Variants in CENPM observed in about 807,000 individuals in gnomAD.
The protein encoded by CENPM is interphase centromere complex protein 39.
CENPM carries 14 observed loss-of-function variants against 19.6 expected under a neutral mutation model. The ratio of observed to expected loss-of-function variants is 0.71; its 90% CI spans 0.47 to 1.11. CENPM has a LOEUF of 1.11. CENPM is among the 50% of genes most tolerant of loss of function. CENPM has a pLI of 0.00. For synonymous variants in CENPM, 114 were observed against 101.5 expected, an observed-to-expected ratio of 1.12 and a Z score of -0.74; for missense variants, 239 against 228.4, an observed-to-expected ratio of 1.05 and a Z score of -0.30.
At position 41,946,427 on chromosome 22, in the gene CENPM, C is replaced by G; in HGVS notation, c.127G>C (p.Glu43Gln). 1.2e-6 allele frequency: 2 copies of G among 1,612,950 alleles called. No homozygotes were observed. Among genetic ancestry groups the G allele is most frequent in the East Asian group, 4.5e-5 (2 of 44,878 alleles). ...GCCGCGGCTACTTACACCTTCAGCT[C>G]GGAGGCGCAGTCCTCTTTGAGCATC... ...DSMLKEDCAS[E>Q]LKVHLAKSLP... is the part of the protein sequence containing the mutation. Residue 43 changes from glutamate to glutamine, a missense_variant, in exon 2 of 6, where the codon GAG becomes CAG. Transcript: ENST00000215980.
chr22:41,945,445 T>C, intron 3 of CENPM, 141 bp from the exon 4 acceptor site: 2 of 1,414,720 alleles, frequency 1.4e-6, no homozygotes, highest in South Asian at 3.0e-5. Context: ...ATTTGTCCTT[T>C]AATTTTTTTT....
At chr22:41,946,164 G>C (rs1397712341) in intron 2 of CENPM, 159 bp from the exon 3 acceptor site, 3 of 707,826 alleles carry the variant, frequency 4.2e-6, no homozygotes, top group Non-Finnish European at 7.4e-6. Flanking sequence ...CCAGCACAGA[G>C]GCAGGACAGG....
At chr22:41,945,063 C>A in intron 4 of CENPM, 162 bp downstream of exon 4, 1 of 1,490,522 alleles carries the variant, frequency 6.7e-7, no homozygotes, top group South Asian at 1.3e-5. Flanking sequence ...AGTTATTTTT[C>A]CAGATCTTCT....
intron 5 of CENPM, among the ~76,000 whole-genome samples, chr22:41,939,872 GAAAGAAAA>G (rs1569425896): frequency 3.1e-5 from 4 of 130,792 alleles, no homozygotes; most frequent in African/African-American, 1.5e-4. Flanking sequence ...AAGAAAGAAA[GAAAGAAAA>G]AGAAAGAAAG....
intron 5 of CENPM, chr22:41,940,142 G>T: frequency 1.3e-6 from 1 of 771,144 alleles, no homozygotes; most frequent in Admixed American, 1.7e-5. Context: ...GCCAGACCTT[G>T]AGCACACCAG....
the CENPM span, among the ~76,000 whole-genome samples, chr22:41,928,605 C>T: frequency 6.6e-4 from 101 of 152,188 alleles, no homozygotes; most frequent in African/African-American, 2.4e-3. This position sits in a 1 kb window ranked among gnomAD's most constrained non-coding sequence, Gnocchi z 4.0. Flanking sequence ...GGCAAACACT[C>T]CAGGCGGAGG....
chr22:41,936,905 C>T (rs148183470), downstream of CENPM, among the ~76,000 whole-genome samples: 191 of 152,032 alleles, frequency 1.3e-3, 2 homozygotes, highest in East Asian at 0.027. Context: ...CCAGCCTGGG[C>T]GACAGAGCAA....
At chr22:41,927,380 G>A in the CENPM span, among the ~76,000 whole-genome samples, 1 of 152,242 alleles carries the variant, frequency 6.6e-6, no homozygotes, top group East Asian at 1.9e-4. Context: ...GACCCTGAGT[G>A]GTTCCTCTGC....
Position 41,943,667 on chromosome 22 carries a change from G to C in CENPM, c.345C>G (p.His115Gln). 6.2e-7 allele frequency: 1 copy of C among 1,613,822 alleles called. No individual in the cohort carries two copies. Among genetic ancestry groups the C allele is most frequent in the Non-Finnish European group, 8.5e-7 (1 of 1,179,922 alleles). ...AGGTGTGGGCCAGCTTCACCACGGT[G>C]TGCCGGTGAATGCTGCAGTGGCTCT... is the stretch of plus-strand genomic sequence containing the variant. ...GRESHCSIHR[H>Q]TVVKLAHTYQ... Residue 115 changes from histidine (H) to glutamine (Q), a missense_variant, in exon 5 of 6, where the codon CAC becomes CAG. His to Gln is a conservative substitution (Grantham distance 24). Transcript: ENST00000215980.
chr22:41,946,349 A>C, intron 2 of CENPM, 68 bp downstream of exon 2: 2 of 1,351,272 alleles, frequency 1.5e-6, no homozygotes, highest in East Asian at 2.4e-5. Flanking sequence ...TTCGGAGTTT[A>C]GCAGCTAGGA....
intron 5 of CENPM, among the ~76,000 whole-genome samples, chr22:41,942,300 G>C (rs2077748186): frequency 6.6e-6 from 1 of 152,202 alleles, no homozygotes; most frequent in Admixed American, 6.5e-5. Flanking sequence ...AAAGTCATCA[G>C]GATTTATCCT....
chr22:41,937,651 G>T (rs543584692), downstream of CENPM, among the ~76,000 whole-genome samples: 2 of 152,250 alleles, frequency 1.3e-5, no homozygotes, highest in East Asian at 3.9e-4. Flanking sequence ...TCGCAGGCAT[G>T]GGGGGTCACA....
rs1212548418 is a variant in CENPM, at chr22:41,939,211, G to A, written c.403-15C>T. ...AAGCCTTCCACCTGCGGGGAGAGCA[G>A]AGAACAGCAGTGAGATAGAATGCTG... On this transcript the variant is annotated splice_polypyrimidine_tract_variant and intron_variant, in intron 5 of 5. Transcript: ENST00000215980. 2 of 1,602,922 alleles carry A rather than the reference G, an allele frequency of 1.2e-6. No homozygotes were observed. Among genetic ancestry groups the A allele is most frequent in the African/African-American group, 2.7e-5 (2 of 74,882 alleles).
Position 41,945,997 on chromosome 22 carries a change from GC to G in CENPM, c.145del (p.Ala49GlnfsTer10). On this transcript the variant is annotated frameshift_variant, in exon 3 of 6. Coordinates refer to ENST00000215980, the MANE Select transcript of CENPM (RefSeq NM_024053.5). LOFTEE classifies it high-confidence loss of function. ...DCASELKVHL[A>X]KSLPLPSSVN... ...ACTGGAGGGCAAAGGGAGGGACTTT[GC>G]CAAGTGGCTGAAAAACAGGAAATTG... 6.2e-7 allele frequency: 1 copy of G among 1,613,766 alleles called. No individual in the cohort carries two copies. The highest frequency in any genetic ancestry group is 8.5e-7 in the Non-Finnish European group (1 of 1,179,822).
chr22:41,936,237 T>C (rs2077683164), downstream of CENPM, among the ~76,000 whole-genome samples: 1 of 152,192 alleles, frequency 6.6e-6, no homozygotes, highest in Non-Finnish European at 1.5e-5. Context: ...TGGGGCTGGC[T>C]CTGCTGCCAG....
At chr22:41,945,773 C>A in intron 3 of CENPM, 140 bp downstream of exon 3, 1 of 653,692 alleles carries the variant, frequency 1.5e-6, no homozygotes, top group South Asian at 2.0e-5. Context: ...ACCACTGGCT[C>A]CTCTCTCCTC....
chr22:41,944,682 C>G, intron 4 of CENPM: 1 of 985,384 alleles, frequency 1.0e-6, no homozygotes, highest in Non-Finnish European at 1.2e-6. Flanking sequence ...GTCTCAGGAA[C>G]AGCAGGACTT....
intron 1 of CENPM, 108 bp downstream of exon 1, chr22:41,946,912 A>C: frequency 8.8e-7 from 1 of 1,142,452 alleles, no homozygotes; most frequent in Non-Finnish European, 1.3e-6. Context: ...CGCCCCCGCC[A>C]CGGTAGCGCG....
chr22:41,944,376 C>T lies in CENPM; in HGVS notation c.311-675G>A, dbSNP rs899802317. Among the ~76,000 whole-genome samples the T allele has an allele frequency of 2.2e-5, 3 of 138,038 alleles. No individual in the cohort carries two copies. The Admixed American group carries it at 2.5e-4, about 11-fold the overall frequency. 90.6% of individuals were successfully genotyped at this position (138,038 alleles called of 152,430 possible). A position where few individuals can be genotyped will look rare whatever the true frequency, so the allele number is the denominator to read the frequency against. The stretch of plus-strand genomic sequence containing the variant: ...GCTTGAACCAGGGAGACGGTGGTTG[C>T]GGTGAGCTGAGATCACGCCATAGCA... On this transcript the variant is annotated intron_variant, in intron 4 of 5. Transcript: ENST00000215980.
Sources: gnomAD v4.1 joint callset for allele counts (sites outside exome capture counted in the v4.1 genomes callset) on GRCh38, gnomAD v4.1.1 for gene constraint, Gnocchi (gnomAD v3.1) non-coding constraint, MANE v1.5 for transcripts, NCBI Gene and HGNC (gene_info 2026-07-23, HGNC 2026-07-21) for gene names.